The following BRD10 variants were observed in gnomAD, a reference collection of about 807,000 sequenced individuals.
BRD10 encodes the protein uncharacterized bromodomain-containing protein 10.
At chr9:5,912,217 T>C in the BRD10 span, among the ~76,000 whole-genome samples, 5 of 152,234 alleles carry the variant, frequency 3.3e-5, no homozygotes, top group Non-Finnish European at 7.3e-5. Context: ...TTTTTAATGT[T>C]GATTTTGTAC....
At chr9:5,933,372 C>T in the BRD10 span, among the ~76,000 whole-genome samples, 1 of 152,126 alleles carries the variant, frequency 6.6e-6, no homozygotes, top group African/African-American at 2.4e-5. Flanking sequence ...TATGAATCAA[C>T]AAAAGTATGA....
chr9:6,007,713 T>C, the BRD10 span: 1 of 1,603,764 alleles, frequency 6.2e-7, no homozygotes, highest in African/African-American at 1.3e-5. Context: ...CGTCGTCCTC[T>C]CCTTCGGCCG....
At chr9:5,949,952 G>GT in the BRD10 span, among the ~76,000 whole-genome samples, 2 of 152,052 alleles carry the variant, frequency 1.3e-5, no homozygotes, top group Admixed American at 1.3e-4. Context: ...TAACAAAGTC[G>GT]TAAGTAAATG....
chr9:5,879,969 G>C, the BRD10 span, among the ~76,000 whole-genome samples: 1 of 152,164 alleles, frequency 6.6e-6, no homozygotes, highest in Non-Finnish European at 1.5e-5. Flanking sequence ...TCCCAAGCTG[G>C]AGTGCAGTGG....
chr9:5,977,670 C>T, the BRD10 span, among the ~76,000 whole-genome samples: 1 of 151,932 alleles, frequency 6.6e-6, no homozygotes, highest in Non-Finnish European at 1.5e-5. Flanking sequence ...CCCGTCTCTA[C>T]TAAAAATACA....
At chr9:5,924,618 T>C in the BRD10 span, 1 of 1,246,026 alleles carries the variant, frequency 8.0e-7, no homozygotes, top group South Asian at 2.3e-5. Context: ...CTTCTCTTTG[T>C]GCCTTCAGTG....
chr9:5,969,283 T>G, the BRD10 span: 6 of 1,613,868 alleles, frequency 3.7e-6, no homozygotes, highest in Non-Finnish European at 5.1e-6. Context: ...AATTTAGAAT[T>G]TGCTGAGCTA....
the BRD10 span, chr9:5,988,621 G>C: frequency 1.9e-6 from 2 of 1,071,752 alleles, no homozygotes; most frequent in Non-Finnish European, 2.8e-6. Context: ...AGCAACTTAA[G>C]AATCCCTTTT....
the BRD10 span, among the ~76,000 whole-genome samples, chr9:5,950,198 T>C: frequency 1.3e-5 from 2 of 152,216 alleles, no homozygotes; most frequent in Non-Finnish European, 1.5e-5. Context: ...CCAAGATTTA[T>C]TTCAAGGTTT....
chr9:5,924,587 T>C, the BRD10 span: 1 of 835,144 alleles, frequency 1.2e-6, no homozygotes. Flanking sequence ...TATTATCTTT[T>C]GCCTTCACAG....
chr9:5,911,826 C>T, the BRD10 span, among the ~76,000 whole-genome samples: 9 of 152,086 alleles, frequency 5.9e-5, no homozygotes, highest in African/African-American at 9.7e-5. Flanking sequence ...CGAGCCACCA[C>T]GCCCAGCCTG....
At chr9:5,903,646 T>A in the BRD10 span, among the ~76,000 whole-genome samples, 1 of 152,210 alleles carries the variant, frequency 6.6e-6, no homozygotes, top group Non-Finnish European at 1.5e-5. Context: ...CTTGCAGTTC[T>A]ATCAGTTTTT....
At chr9:5,899,433 C>A in the BRD10 span, among the ~76,000 whole-genome samples, 1 of 152,134 alleles carries the variant, frequency 6.6e-6, no homozygotes, top group Non-Finnish European at 1.5e-5. Flanking sequence ...AAATACAAAC[C>A]ATCAAAGGCA....
the BRD10 span, among the ~76,000 whole-genome samples, chr9:5,946,406 C>A: frequency 7.2e-5 from 11 of 152,014 alleles, no homozygotes; most frequent in Admixed American, 4.6e-4. Flanking sequence ...TCCAATTTGC[C>A]AAATTTACTT....
chr9:5,913,800 G>C, the BRD10 span: 1 of 212,048 alleles, frequency 4.7e-6, no homozygotes, highest in Non-Finnish European at 9.6e-6. Context: ...AGAAAAACAA[G>C]GACTATTAAA....
At chr9:5,881,725 G>C in the BRD10 span, 1 of 152,306 alleles carries the variant, frequency 6.6e-6, no homozygotes, top group South Asian at 2.1e-4. Flanking sequence ...GGTAGGGAAA[G>C]GCTGATTTCT....
the BRD10 span, among the ~76,000 whole-genome samples, chr9:5,966,476 T>TTTC: frequency 6.8e-6 from 1 of 146,640 alleles, no homozygotes; most frequent in East Asian, 2.0e-4. Flanking sequence ...TTTTTTTTTT[T>TTTC]TGAGACAGAG....
At chr9:6,003,162 T>G in the BRD10 span, among the ~76,000 whole-genome samples, 1 of 152,244 alleles carries the variant, frequency 6.6e-6, no homozygotes, top group Non-Finnish European at 1.5e-5. Context: ...TACACAAGCT[T>G]ATTTTCACCA....
At chr9:5,881,099 T>C in the BRD10 span, among the ~76,000 whole-genome samples, 1 of 152,180 alleles carries the variant, frequency 6.6e-6, no homozygotes, top group South Asian at 2.1e-4. Flanking sequence ...GTTTATTCCT[T>C]TACACACTTC....
Sources: gnomAD v4.1 joint callset for allele counts (sites outside exome capture counted in the v4.1 genomes callset) on GRCh38, gnomAD v4.1.1 for gene constraint, MANE v1.5 for transcripts, NCBI Gene and HGNC (gene_info 2026-07-23, HGNC 2026-07-21) for gene names.